The following HEXA variants were observed in gnomAD, a reference collection of about 807,000 sequenced individuals.
HEXA encodes the protein hexosaminidase subunit alpha.
A neutral mutation model predicts 73.3 loss-of-function variants in HEXA; 54 were observed. The observed-to-expected ratio is 0.74, with a 90% CI of 0.59 to 0.92. The LOEUF is 0.92. Ranked by LOEUF, HEXA falls within the 40% of genes least tolerant of loss-of-function variation. The pLI, the probability that HEXA is intolerant of heterozygous loss-of-function variation, is 0.00. For synonymous variants in HEXA, 230 were observed against 246.9 expected (o/e 0.93, Z 0.64); for missense variants, 649 against 653.0 (o/e 0.99, Z 0.07).
Position 72,375,790 on chromosome 15 carries a change from G to A in HEXA, c.183C>T (p.Leu61=), listed in dbSNP as rs2089056934. The A allele has an allele frequency of 2.5e-6, 4 of 1,614,234 alleles. No homozygotes were observed. Among genetic ancestry groups the A allele is most frequent in the Non-Finnish European group, 3.4e-6 (4 of 1,180,036 alleles). ...SSAAQPGCSV[L]DEAFQRYRDL... is the part of the protein sequence containing the mutation. ...CACGATAGCGCTGGAAGGCCTCGTC[G>A]AGGACTGAGCAGCCGGGCTGCGCGG... is the stretch of plus-strand genomic sequence containing the variant. Residue 61 remains leucine, a synonymous_variant, in exon 1 of 14, where the codon CTC becomes CTT. Transcript: ENST00000268097.
intron 1 of HEXA, among the ~76,000 whole-genome samples, chr15:72,371,591 G>GAAAAAAAAAAA (rs11299619): frequency 8.2e-6 from 1 of 121,940 alleles, no homozygotes; most frequent in South Asian, 2.3e-4. Flanking sequence ...GTCTCTAAAA[G>GAAAAAAAAAAA]AAAAAAAAAA....
chr15:72,373,213 C>A (rs550135079), intron 1 of HEXA, among the ~76,000 whole-genome samples: 57 of 152,212 alleles, frequency 3.7e-4, no homozygotes, highest in Non-Finnish European at 6.8e-4. Flanking sequence ...GGATGGAAAT[C>A]TGTTAGTTAA....
chr15:72,370,264 C>A, intron 1 of HEXA: 1 of 187,820 alleles, frequency 5.3e-6, no homozygotes, highest in East Asian at 1.2e-4. Context: ...AACAGAATAT[C>A]CAAAGCAGGG....
intron 2 of HEXA, 59 bp downstream of exon 2, chr15:72,356,466 G>T: frequency 6.3e-7 from 1 of 1,594,608 alleles, no homozygotes; most frequent in Non-Finnish European, 8.6e-7. Flanking sequence ...AGGCCATCCA[G>T]AGTTACAGCT....
At chr15:72,346,468 C>T (rs751189932) in intron 11 of HEXA, 59 bp downstream of exon 11, 69 of 1,570,792 alleles carry the variant, frequency 4.4e-5, no homozygotes, top group Non-Finnish European at 5.6e-5. Context: ...CTTCCTGCCT[C>T]CCATCCTGTG....
Position 72,356,601 on chromosome 15 carries a change from C to G in HEXA, c.270G>C (p.Leu90=), listed in dbSNP as rs2088785332. ...RPYLTGKRHT[L]EKNVLVVSVV... ...CAGAGACAACCAACACATTCTTCTC[C>G]AGTGTATGCCGTTTCCCTAGGAAGA... The change falls in exon 2 of 14, where the codon CTG becomes CTC. Residue 90 remains leucine, a synonymous_variant. Coordinates refer to ENST00000268097, the MANE Select transcript of HEXA (RefSeq NM_000520.6). 6.2e-7 allele frequency: 1 copy of G among 1,614,150 alleles called. No individual in the cohort carries two copies. The highest frequency in any genetic ancestry group is 8.5e-7 in the Non-Finnish European group (1 of 1,180,004).
intron 1 of HEXA, among the ~76,000 whole-genome samples, chr15:72,371,591 G>GAAAAAAA (rs11299619): frequency 8.2e-6 from 1 of 121,982 alleles, no homozygotes; most frequent in African/African-American, 3.8e-5. Context: ...GTCTCTAAAA[G>GAAAAAAA]AAAAAAAAAA....
chr15:72,375,630 G>A (rs2089053081), intron 1 of HEXA, 90 bp downstream of exon 1: 2 of 1,461,542 alleles, frequency 1.4e-6, no homozygotes, highest in Non-Finnish European at 1.9e-6. Flanking sequence ...CTGGACAAAA[G>A]CCCATAGGGC....
At chr15:72,367,121 T>A (rs888970843) in intron 1 of HEXA, among the ~76,000 whole-genome samples, 2 of 152,086 alleles carry the variant, frequency 1.3e-5, no homozygotes, top group African/African-American at 4.8e-5. Flanking sequence ...TTTTGTATTT[T>A]CAGTAGAGAT....
At position 72,362,336 on chromosome 15, in the gene HEXA, CTT is replaced by C. The variant is rs1196453405; in HGVS notation, c.254-5721_254-5720del. 27 of 401,676 alleles carry C rather than the reference CTT, an allele frequency of 6.7e-5. No individual in the cohort carries two copies. The East Asian group carries it at 2.1e-3, about 31-fold the overall frequency. The allele number at this position is 401,676 out of a possible 1,614,324, so 24.9% of individuals were successfully genotyped here. A position where few individuals can be genotyped will look rare whatever the true frequency, so the allele number is the denominator to read the frequency against. ...ATGTATACATACATTTTTCAAAACA[CTT>C]TTCTTAAGATATGCTGTTTATTTGT... On this transcript the variant is annotated intron_variant, in intron 1 of 13. Transcript: ENST00000268097.
intron 5 of HEXA, among the ~76,000 whole-genome samples, chr15:72,352,668 T>G (rs1439761097): frequency 6.6e-6 from 1 of 151,250 alleles, no homozygotes; most frequent in South Asian, 2.1e-4. Flanking sequence ...CATACAATTT[T>G]TTTTTTTTTT....
chr15:72,345,272 ATT>A, intron 13 of HEXA, 172 bp downstream of exon 13: 4 of 1,148,688 alleles, frequency 3.5e-6, no homozygotes, highest in Non-Finnish European at 4.7e-6. Context: ...TTTTTGTTGT[ATT>A]TTTTTTTTCC....
At chr15:72,375,044 C>T (rs1441227884) in intron 1 of HEXA, among the ~76,000 whole-genome samples, 4 of 150,954 alleles carry the variant, frequency 2.6e-5, no homozygotes. Flanking sequence ...TCTATGATTT[C>T]TTTCACAATT....
intron 8 of HEXA, 67 bp downstream of exon 8, chr15:72,349,012 G>C (rs904374947): frequency 2.3e-6 from 3 of 1,312,770 alleles, no homozygotes; most frequent in Non-Finnish European, 3.3e-6. Flanking sequence ...GCAGCCCCTC[G>C]GGTGCTAACT....
intron 1 of HEXA, among the ~76,000 whole-genome samples, chr15:72,363,274 G>A (rs1412096641): frequency 6.6e-6 from 1 of 152,166 alleles, no homozygotes; most frequent in Non-Finnish European, 1.5e-5. Flanking sequence ...CTGCCCTTGA[G>A]GAGATCACAG....
At chr15:72,369,976 A>G (rs572497832) in intron 1 of HEXA, 1 of 151,774 alleles carries the variant, frequency 6.6e-6, no homozygotes, top group African/African-American at 2.4e-5. Context: ...TTTAATTTTT[A>G]TTGTTTTATT....
chr15:72,351,546 A>G, intron 5 of HEXA: 1 of 450,410 alleles, frequency 2.2e-6, no homozygotes, highest in Non-Finnish European at 4.1e-6. Flanking sequence ...GGTAGCCTGG[A>G]ATCTTCCAAA....
chr15:72,371,914 G>A (rs903610347), intron 1 of HEXA, among the ~76,000 whole-genome samples: 2 of 152,146 alleles, frequency 1.3e-5, no homozygotes, highest in Non-Finnish European at 2.9e-5. Context: ...GAGAAGGGGG[G>A]CAGGATTATT....
chr15:72,355,387 A>T (rs528481440), intron 3 of HEXA, 172 bp downstream of exon 3: 3 of 669,404 alleles, frequency 4.5e-6, no homozygotes, highest in South Asian at 3.1e-5. Context: ...TTAGCTGGGC[A>T]TGGTGGCAGG....
Sources: gnomAD v4.1 joint callset for allele counts (sites outside exome capture counted in the v4.1 genomes callset) on GRCh38, gnomAD v4.1.1 for gene constraint, MANE v1.5 for transcripts, NCBI Gene and HGNC (gene_info 2026-07-23, HGNC 2026-07-21) for gene names.